The following LYN variants were observed in gnomAD, a reference collection of about 807,000 sequenced individuals.
LYN encodes the protein tyrosine-protein kinase Lyn.
A neutral mutation model predicts 65.0 loss-of-function variants in LYN; 12 were observed. That is an observed-to-expected ratio of 0.18 (90% CI 0.12 to 0.30). The LOEUF is 0.30. Among genes scored for constraint, LYN ranks in the 10% least tolerant of loss-of-function variants. The pLI is 1.00. For missense variants in LYN, 380 were observed against 623.2 expected, an observed-to-expected ratio of 0.61 and a Z score of 4.16; for synonymous variants, 222 against 221.2, an observed-to-expected ratio of 1.00 and a Z score of -0.03.
intron 1 of LYN, among the ~76,000 whole-genome samples, chr8:55,932,380 G>T (rs1461687523): frequency 3.3e-5 from 5 of 151,820 alleles, no homozygotes; most frequent in African/African-American, 1.2e-4. Flanking sequence ...TAGAACATTT[G>T]TCAAAATCTT....
chr8:56,009,803 A>T, intron 12 of LYN, 105 bp from the exon 13 acceptor site: 1 of 872,390 alleles, frequency 1.1e-6, no homozygotes, highest in Non-Finnish European at 1.8e-6. Context: ...TGTTTCAATC[A>T]TGGTTACAGG....
intron 10 of LYN, 34 bp from the exon 11 acceptor site, chr8:55,998,312 A>G: frequency 6.3e-7 from 1 of 1,586,122 alleles, no homozygotes; most frequent in Non-Finnish European, 8.7e-7. Context: ...CACCTACCCT[A>G]CATATGAAAA....
chr8:55,903,084 C>T (rs943453095), intron 1 of LYN, among the ~76,000 whole-genome samples: 16 of 151,900 alleles, frequency 1.1e-4, no homozygotes, highest in African/African-American at 3.4e-4. Context: ...CCTGACTTCG[C>T]GATCCGCCCA....
At chr8:55,999,180 G>A (rs1222842288) in intron 11 of LYN, among the ~76,000 whole-genome samples, 2 of 152,294 alleles carry the variant, frequency 1.3e-5, no homozygotes, top group East Asian at 3.9e-4. Context: ...GAAGAGACAA[G>A]CACTTTCTTG....
intron 1 of LYN, among the ~76,000 whole-genome samples, chr8:55,930,367 G>T (rs753102245): frequency 6.6e-6 from 1 of 152,074 alleles, no homozygotes; most frequent in Non-Finnish European, 1.5e-5. Context: ...TCTTAAAGTG[G>T]GACATAAATA....
chr8:55,924,812 G>T (rs1585604258), intron 1 of LYN, among the ~76,000 whole-genome samples: 1 of 152,150 alleles, frequency 6.6e-6, no homozygotes, highest in Non-Finnish European at 1.5e-5. Context: ...GTAAGTCACT[G>T]CTTTGGCTTC....
At chr8:55,985,032 G>A (rs1808038120) in intron 10 of LYN, among the ~76,000 whole-genome samples, 1 of 152,158 alleles carries the variant, frequency 6.6e-6, no homozygotes, top group South Asian at 2.1e-4. Context: ...AAGCCGCAGG[G>A]GTCCTGTGGG....
In LYN at chr8:55,880,119, G is replaced by T. The variant is rs1221571442; in HGVS notation, c.-6+16G>T. ...CCGCGAGCGGGTGAGTCCTCTGCGCGAGCCCAGGGGTGGGCGCGGGCACGC... is the reference window on the plus strand; with the variant it reads ...CCGCGAGCGGGTGAGTCCTCTGCGCTAGCCCAGGGGTGGGCGCGGGCACGC... On this transcript the variant is annotated intron_variant, in intron 1 of 12. Transcript: ENST00000519728. The T allele has an allele frequency of 3.9e-6, 1 of 258,130 alleles. No individual in the cohort carries two copies. The highest frequency in any genetic ancestry group is 2.3e-5 in the African/African-American group (1 of 42,714). 16.0% of individuals were successfully genotyped at this position (258,130 alleles called of 1,614,324 possible). A position where few individuals can be genotyped will look rare whatever the true frequency, so the allele number is the denominator to read the frequency against.
At chr8:55,901,038 A>G (rs1028603300) in intron 1 of LYN, among the ~76,000 whole-genome samples, 21 of 152,148 alleles carry the variant, frequency 1.4e-4, no homozygotes, top group African/African-American at 3.4e-4. Context: ...CAGTGCCTCT[A>G]TGATGCCTGA....
chr8:56,008,265 G>A (rs1229130663), intron 12 of LYN, among the ~76,000 whole-genome samples: 1 of 152,174 alleles, frequency 6.6e-6, no homozygotes, highest in African/African-American at 2.4e-5. Context: ...TTCAAAAGAA[G>A]GTTCTGTTTC....
At chr8:55,943,430 G>A (rs7844392) in intron 2 of LYN, among the ~76,000 whole-genome samples, 1 of 151,932 alleles carries the variant, frequency 6.6e-6, no homozygotes, top group Non-Finnish European at 1.5e-5. Context: ...ACAAAAATTA[G>A]CCGGGTGTGG....
At chr8:55,956,889 G>A (rs919302957) in intron 8 of LYN, among the ~76,000 whole-genome samples, 1 of 152,238 alleles carries the variant, frequency 6.6e-6, no homozygotes, top group Non-Finnish European at 1.5e-5. Context: ...GGAGAAGACA[G>A]GAGGAAGGGA....
At chr8:55,908,702 C>A (rs1376669800) in intron 1 of LYN, among the ~76,000 whole-genome samples, 1 of 151,880 alleles carries the variant, frequency 6.6e-6, no homozygotes, top group Admixed American at 6.6e-5. Context: ...CTGAGTAGCA[C>A]ACATTGTACC....
chr8:55,956,928 T>G (rs1039614598), intron 8 of LYN, among the ~76,000 whole-genome samples: 1 of 152,232 alleles, frequency 6.6e-6, no homozygotes. Context: ...CTACGGGCCC[T>G]GCTCTAAGTG....
At chr8:55,990,036 TGAGAC>T (rs1808201126) in intron 10 of LYN, among the ~76,000 whole-genome samples, 1 of 151,926 alleles carries the variant, frequency 6.6e-6, no homozygotes, top group Non-Finnish European at 1.5e-5. Flanking sequence ...GTCAGGAGTT[TGAGAC>T]CAGCCTGGCC....
chr8:55,899,590 C>T (rs1398293500), intron 1 of LYN, among the ~76,000 whole-genome samples: 3 of 152,232 alleles, frequency 2.0e-5, no homozygotes, highest in African/African-American at 7.2e-5. Flanking sequence ...TTGTATTCAA[C>T]CAATCCTTAT....
intron 10 of LYN, among the ~76,000 whole-genome samples, chr8:55,995,391 C>T (rs6474036): frequency 0.11 from 16,515 of 152,202 alleles, 1,779 homozygotes; most frequent in African/African-American, 0.28. Context: ...GAAGTCACTG[C>T]TCTCCAAACC....
At chr8:55,910,798 C>T (rs973914690) in intron 1 of LYN, among the ~76,000 whole-genome samples, 6 of 151,730 alleles carry the variant, frequency 4.0e-5, no homozygotes, top group African/African-American at 1.5e-4. Flanking sequence ...TTCAGCCTGC[C>T]TTGTGATTTT....
intron 1 of LYN, among the ~76,000 whole-genome samples, chr8:55,895,986 G>T (rs1249891953): frequency 6.6e-6 from 1 of 152,118 alleles, no homozygotes; most frequent in Non-Finnish European, 1.5e-5. Flanking sequence ...TGGAAATTTG[G>T]TGTACATACC....
Sources: allele counts gnomAD v4.1 joint callset (sites outside exome capture counted in the v4.1 genomes callset), GRCh38; gene constraint gnomAD v4.1.1; transcripts MANE v1.5; gene names NCBI Gene and HGNC (gene_info 2026-07-23, HGNC 2026-07-21).